Variants in TMEM71 observed in about 807,000 individuals in gnomAD.
TMEM71 encodes transmembrane protein 71.
A neutral mutation model predicts 38.0 loss-of-function variants in TMEM71; 44 were observed. That is an observed-to-expected ratio of 1.16 (90% CI 0.91 to 1.49). The LOEUF (loss-of-function observed/expected upper bound fraction) is 1.49, where lower values mean the gene tolerates loss of function less well. Ranked by LOEUF, TMEM71 falls within the 40% of genes most tolerant of loss-of-function variation. The pLI is 0.00. For missense variants in TMEM71, 367 were observed against 348.6 expected (o/e 1.05, Z -0.42); for synonymous variants, 133 against 122.5 (o/e 1.09, Z -0.56).
the TMEM71 span, among the ~76,000 whole-genome samples, chr8:132,771,692 A>G: frequency 6.6e-6 from 1 of 152,072 alleles, no homozygotes; most frequent in African/African-American, 2.4e-5. Flanking sequence ...AATCTGGAAC[A>G]CCCTATCATC....
At chr8:132,739,075 G>T (rs959202487) in intron 5 of TMEM71, among the ~76,000 whole-genome samples, 2 of 152,060 alleles carry the variant, frequency 1.3e-5, no homozygotes, top group South Asian at 4.1e-4. Flanking sequence ...AAAATGTTAC[G>T]TGTGTCTTCT....
rs767655223 is a variant in TMEM71 at position 132,751,850 on chromosome 8, G to A, written c.249C>T (p.Asp83=). 5 of 1,613,858 alleles carry A rather than the reference G, an allele frequency of 3.1e-6. No individual in the cohort carries two copies. The highest frequency in any genetic ancestry group is 4.2e-6 in the Non-Finnish European group (5 of 1,180,042). Residue 83 remains aspartate (D), a synonymous_variant, in exon 4 of 10, where the codon GAC becomes GAT. Transcript: ENST00000677595. ...YIWTEDSFLC[D]KDGNITLNPS... is the part of the protein sequence containing the mutation. ...GGTTCAGAGTTATGTTGCCATCTTT[G>A]TCGCACAGGAAGCTGTCTTCAGTCC...
At chr8:132,725,438 C>T (rs1827089454) in intron 6 of TMEM71, among the ~76,000 whole-genome samples, 1 of 152,132 alleles carries the variant, frequency 6.6e-6, no homozygotes, top group South Asian at 2.1e-4. Context: ...CAACAAAAGA[C>T]AGAGAATGCC....
chr8:132,763,415 G>A (rs777863289), upstream of TMEM71, among the ~76,000 whole-genome samples: 6 of 152,186 alleles, frequency 3.9e-5, no homozygotes, highest in African/African-American at 1.2e-4. Context: ...CATCCAGGTA[G>A]ACTTGCCTTC....
intron 5 of TMEM71, among the ~76,000 whole-genome samples, chr8:132,741,640 C>T (rs1263826286): frequency 1.3e-5 from 2 of 151,894 alleles, no homozygotes; most frequent in Non-Finnish European, 2.9e-5. Context: ...ACAGCTTATG[C>T]CATTATTTCT....
chr8:132,768,908 G>T, the TMEM71 span, among the ~76,000 whole-genome samples: 5 of 152,256 alleles, frequency 3.3e-5, no homozygotes, highest in African/African-American at 1.2e-4. Context: ...ACCAGTTAGA[G>T]CCCAAATGCT....
At chr8:132,772,969 T>C in the TMEM71 span, among the ~76,000 whole-genome samples, 57 of 152,332 alleles carry the variant, frequency 3.7e-4, no homozygotes, top group Admixed American at 1.9e-3. Flanking sequence ...AAGGTCAGTG[T>C]TTCCTTACAT....
the TMEM71 span, chr8:132,775,238 T>C: frequency 9.5e-6 from 3 of 315,062 alleles, no homozygotes; most frequent in Non-Finnish European, 1.7e-5. Flanking sequence ...CCGCTAGCGG[T>C]CCGTCAACGA....
At chr8:132,739,479 T>G (rs1027208804) in intron 5 of TMEM71, among the ~76,000 whole-genome samples, 1 of 152,048 alleles carries the variant, frequency 6.6e-6, no homozygotes, top group African/African-American at 2.4e-5. Flanking sequence ...GCCCATCTAA[T>G]TTTTTGTATT....
At chr8:132,738,107 A>C (rs1827844979) in intron 5 of TMEM71, among the ~76,000 whole-genome samples, 1 of 151,948 alleles carries the variant, frequency 6.6e-6, no homozygotes, top group African/African-American at 2.4e-5. Flanking sequence ...GAAGTGTGAC[A>C]TTTTTCATGA....
intron 7 of TMEM71, among the ~76,000 whole-genome samples, chr8:132,719,087 G>C (rs973183759): frequency 7.2e-5 from 11 of 152,124 alleles, no homozygotes; most frequent in Non-Finnish European, 1.3e-4. Context: ...TGTACAACTT[G>C]ATTTTGATTT....
chr8:132,739,304 C>CTGTTTT lies in TMEM71; in HGVS notation c.487+7632_487+7637dup, dbSNP rs759756164. 7.0e-4 allele frequency among the ~76,000 whole-genome samples: 107 copies of CTGTTTT among 152,136 alleles called. 1 individual carries two copies. Among genetic ancestry groups the CTGTTTT allele is most frequent in the African/African-American group, 1.7e-3 (71 of 41,530 alleles). On this transcript the variant is annotated intron_variant, in intron 5 of 9. Coordinates refer to ENST00000677595, the MANE Select transcript of TMEM71 (RefSeq NM_001382403.1). The stretch of plus-strand genomic sequence containing the variant: ...AGACCTCGGTTGAATTCCAACTCTG[C>CTGTTTT]TGTTTTTGTTTTTGTTTTTGTTTTT...
the TMEM71 span, among the ~76,000 whole-genome samples, chr8:132,768,172 G>T: frequency 6.6e-6 from 1 of 152,168 alleles, no homozygotes; most frequent in Non-Finnish European, 1.5e-5. Context: ...TCATGTCCAG[G>T]TAGTGATAGA....
intron 7 of TMEM71, among the ~76,000 whole-genome samples, chr8:132,721,592 G>T (rs1208525145): frequency 3.1e-4 from 47 of 150,742 alleles, no homozygotes; most frequent in Non-Finnish European, 4.4e-5. Context: ...TGTTGCCAAG[G>T]CTGGAGTGCA....
intron 6 of TMEM71, 50 bp downstream of exon 6, chr8:132,727,748 A>G: frequency 1.3e-6 from 2 of 1,488,044 alleles, no homozygotes; most frequent in Non-Finnish European, 1.8e-6. Flanking sequence ...TCAGGCTCTG[A>G]AAGGAAGAAT....
chr8:132,717,500 T>C (rs1213723787), intron 7 of TMEM71, among the ~76,000 whole-genome samples: 1 of 152,180 alleles, frequency 6.6e-6, no homozygotes, highest in Non-Finnish European at 1.5e-5. Flanking sequence ...ATGGTCAACA[T>C]CATTATCCAT....
upstream of TMEM71, among the ~76,000 whole-genome samples, chr8:132,763,821 C>T (rs573331983): frequency 4.6e-5 from 7 of 152,274 alleles, no homozygotes; most frequent in East Asian, 1.3e-3. Flanking sequence ...CCACGTAAAG[C>T]CAAAACTGTT....
intron 3 of TMEM71, among the ~76,000 whole-genome samples, chr8:132,753,493 G>A (rs971972998): frequency 2.0e-5 from 3 of 152,082 alleles, no homozygotes; most frequent in African/African-American, 7.2e-5. Context: ...CATGTCTGCA[G>A]CCCCACCAAA....
At chr8:132,749,214 A>T (rs942260697) in intron 4 of TMEM71, among the ~76,000 whole-genome samples, 2 of 152,236 alleles carry the variant, frequency 1.3e-5, no homozygotes, top group Non-Finnish European at 2.9e-5. Context: ...ACTGGAAGGT[A>T]GGTAATCCAG....
Sources: gnomAD v4.1 joint callset for allele counts (sites outside exome capture counted in the v4.1 genomes callset) on GRCh38, gnomAD v4.1.1 for gene constraint, MANE v1.5 for transcripts, NCBI Gene and HGNC (gene_info 2026-07-23, HGNC 2026-07-21) for gene names.